EVL: variants seen among roughly 807,000 people sequenced by gnomAD.
EVL encodes Enah/Vasp-like.
A neutral mutation model predicts 59.6 loss-of-function variants in EVL; 21 were observed. That is an observed-to-expected ratio of 0.35 (90% CI 0.25 to 0.51). The LOEUF (loss-of-function observed/expected upper bound fraction) is 0.51, where lower values mean the gene tolerates loss of function less well. Ranked by LOEUF, EVL falls within the 20% of genes least tolerant of loss-of-function variation. The pLI, the probability that EVL is intolerant of heterozygous loss-of-function variation, is 0.97. For missense variants in EVL, 462 were observed against 546.6 expected, an observed-to-expected ratio of 0.85 and a Z score of 1.54; for synonymous variants, 198 against 203.5, an observed-to-expected ratio of 0.97 and a Z score of 0.23.
At chr14:99,984,802 G>A (rs535854910) in intron 1 of EVL, among the ~76,000 whole-genome samples, 42 of 152,168 alleles carry the variant, frequency 2.8e-4, no homozygotes, top group African/African-American at 9.9e-4. Context: ...TTTTAGTAGA[G>A]ACTGAGTTGC....
chr14:100,026,191 C>T (rs2061208149), intron 1 of EVL, among the ~76,000 whole-genome samples: 1 of 148,544 alleles, frequency 6.7e-6, no homozygotes, highest in South Asian at 2.1e-4. Flanking sequence ...GTCAAGGCTG[C>T]AGTGAGCCAA....
Position 100,004,958 on chromosome 14 carries a change from A to T in EVL, c.5+32901A>T, listed in dbSNP as rs560041082. ...TTAATTTAACTTTAGATTCTAAATT[A>T]TGACAAGTTTGTCTACAAGTATTTA... On this transcript the variant is annotated intron_variant, in intron 1 of 13. Transcript: ENST00000402714. 3.3e-5 allele frequency among the ~76,000 whole-genome samples: 5 copies of T among 152,372 alleles called. No homozygotes were observed. The South Asian group carries it at 1.0e-3, about 32-fold the overall frequency.
chr14:100,096,974 T>C (rs1885859223), intron 2 of EVL: 1 of 154,248 alleles, frequency 6.5e-6, no homozygotes, highest in African/African-American at 2.4e-5. Flanking sequence ...TACTAGACAC[T>C]ATGCAGAGGG....
At chr14:100,067,494 T>C (rs928427797) in intron 1 of EVL, among the ~76,000 whole-genome samples, 1 of 152,204 alleles carries the variant, frequency 6.6e-6, no homozygotes, top group Non-Finnish European at 1.5e-5. Flanking sequence ...GTTTTTGTTT[T>C]TGTATTTTTT....
At chr14:100,029,828 A>T (rs970527106) in intron 1 of EVL, among the ~76,000 whole-genome samples, 1 of 152,034 alleles carries the variant, frequency 6.6e-6, no homozygotes, top group African/African-American at 2.4e-5. Flanking sequence ...CTCAGGGTAT[A>T]ACCCAGGTCC....
chr14:100,095,147 C>T (rs557405346), intron 2 of EVL, among the ~76,000 whole-genome samples: 20 of 152,354 alleles, frequency 1.3e-4, no homozygotes, highest in African/African-American at 4.6e-4. Flanking sequence ...TATCTCCTCA[C>T]GTATCTGGAG....
intron 2 of EVL, among the ~76,000 whole-genome samples, chr14:100,094,234 A>G (rs971643584): frequency 6.6e-6 from 1 of 152,164 alleles, no homozygotes; most frequent in African/African-American, 2.4e-5. Context: ...CCTGACTGTA[A>G]AAAGAGCGGA....
At chr14:100,020,173 A>G (rs1361356679) in intron 1 of EVL, among the ~76,000 whole-genome samples, 3 of 152,178 alleles carry the variant, frequency 2.0e-5, no homozygotes, top group Non-Finnish European at 4.4e-5. Flanking sequence ...TATTTTTAGT[A>G]GTAATCTCAT....
intron 1 of EVL, among the ~76,000 whole-genome samples, chr14:100,030,994 T>C (rs2140217524): frequency 6.6e-6 from 1 of 152,332 alleles, no homozygotes. Flanking sequence ...GTCTCTTCCG[T>C]GTAGGGAAGA....
chr14:100,107,539 T>G, intron 3 of EVL: 4 of 369,616 alleles, frequency 1.1e-5, no homozygotes, highest in Non-Finnish European at 9.6e-6. Flanking sequence ...TCCACTAGCA[T>G]TCCCTCATGA....
chr14:99,983,892 T>TA (rs988583214), intron 1 of EVL, among the ~76,000 whole-genome samples: 1 of 152,184 alleles, frequency 6.6e-6, no homozygotes, highest in African/African-American at 2.4e-5. Flanking sequence ...TCCTCTTCTG[T>TA]AACTGTTTAT....
chr14:100,057,898 A>C (rs2061758939), intron 1 of EVL, among the ~76,000 whole-genome samples: 1 of 152,190 alleles, frequency 6.6e-6, no homozygotes, highest in Admixed American at 6.5e-5. Context: ...TTGGGTAGCC[A>C]TTTCTCTGTC....
At chr14:100,016,782 T>A (rs1469611119) in intron 1 of EVL, among the ~76,000 whole-genome samples, 1 of 152,200 alleles carries the variant, frequency 6.6e-6, no homozygotes, top group South Asian at 2.1e-4. Context: ...TGGTTCCCAT[T>A]TGGACCCCAA....
chr14:100,076,777 C>A lies in EVL; in HGVS notation c.12-7910C>A, dbSNP rs1302493518. ...GGGGCCTGTGTGCATTTCCACAAGACTAAGCCAAGGGTTGGGTCGGCTGTG... is the reference window on the plus strand; with the variant it reads ...GGGGCCTGTGTGCATTTCCACAAGAATAAGCCAAGGGTTGGGTCGGCTGTG... On this transcript the variant is annotated intron_variant, in intron 1 of 13. Coordinates refer to ENST00000392920, the MANE Select transcript of EVL (RefSeq NM_016337.3). Among the ~76,000 whole-genome samples the A allele has an allele frequency of 5.3e-5, 8 of 152,114 alleles. No homozygotes were observed. In the East Asian group the frequency reaches 1.5e-3, roughly 29 times the overall value.
chr14:100,137,336 C>G (rs1198050714), intron 9 of EVL: 3 of 563,922 alleles, frequency 5.3e-6, no homozygotes, highest in Non-Finnish European at 9.5e-6. Flanking sequence ...GCTCACATTC[C>G]AGAGAGACCT....
In EVL at chr14:100,109,779, C is replaced by G. The variant is rs186132642; in HGVS notation, c.358+12121C>G. On this transcript the variant is annotated intron_variant, in intron 3 of 13. Transcript: ENST00000392920. The surrounding 1 kb of genome is among the most constrained non-coding windows in gnomAD (Gnocchi z 4.3). ...TCACCACCCCAAACAGAGGAACACGCCTTCTCCAGCCACAGCCTATGGAAG... is the reference window on the plus strand; with the variant it reads ...TCACCACCCCAAACAGAGGAACACGGCTTCTCCAGCCACAGCCTATGGAAG... 1.5e-4 allele frequency: 75 copies of G among 499,764 alleles called. 2 individuals are homozygous for G. The East Asian group carries it at 3.5e-3, about 23-fold the overall frequency. The allele number at this position is 499,764 out of a possible 1,614,324, so 31.0% of individuals were successfully genotyped here.
At chr14:100,031,196 C>G (rs906678658) in intron 1 of EVL, among the ~76,000 whole-genome samples, 14 of 152,162 alleles carry the variant, frequency 9.2e-5, no homozygotes, top group Non-Finnish European at 8.8e-5. Context: ...AGACAGGTGC[C>G]CAGGCCACTC....
chr14:100,037,737 G>T (rs1219270822), intron 1 of EVL, among the ~76,000 whole-genome samples: 1 of 152,160 alleles, frequency 6.6e-6, no homozygotes, highest in African/African-American at 2.4e-5. Flanking sequence ...AGCAGACATG[G>T]CCAGTTCCCT....
chr14:99,996,451 A>G (rs2060914940), intron 1 of EVL, among the ~76,000 whole-genome samples: 1 of 152,204 alleles, frequency 6.6e-6, no homozygotes, highest in Admixed American at 6.5e-5. Flanking sequence ...GAAATGTGAT[A>G]AAATGTGAAC....
Sources: gnomAD v4.1 joint callset for allele counts (sites outside exome capture counted in the v4.1 genomes callset) on GRCh38, gnomAD v4.1.1 for gene constraint, Gnocchi (gnomAD v3.1) non-coding constraint, MANE v1.5 for transcripts, NCBI Gene and HGNC (gene_info 2026-07-23, HGNC 2026-07-21) for gene names.